Variants in ZNF93 observed in about 807,000 individuals in gnomAD.
The protein encoded by ZNF93 is zinc finger protein 505.
Under a neutral mutation model 45.0 loss-of-function variants are expected in ZNF93, and 29 were observed. The observed-to-expected ratio is 0.64, with a 90% CI of 0.48 to 0.88. The LOEUF (loss-of-function observed/expected upper bound fraction) is 0.88, where lower values mean the gene tolerates loss of function less well. ZNF93 is among the 40% of genes least tolerant of loss of function. The pLI is 0.00. For synonymous variants in ZNF93, 223 were observed against 244.6 expected (o/e 0.91, Z 0.82); for missense variants, 578 against 724.0 (o/e 0.80, Z 2.31).
Position 19,901,001 on chromosome 19 carries a change from C to T in ZNF93, c.-88C>T. The T allele has an allele frequency of 6.3e-7, 1 of 1,579,406 alleles. No individual in the cohort carries two copies. The highest frequency in any genetic ancestry group is 8.7e-7 in the Non-Finnish European group (1 of 1,149,768). On this transcript the variant is annotated 5_prime_UTR_variant, in exon 1 of 4. Transcript: ENST00000343769. ...CCTCTTCACTACTCTGTGTCCTGTG[C>T]TCCTACAGGCCCAGCCTCTGTGGCC... is the stretch of plus-strand genomic sequence containing the variant.
At chr19:19,930,210 G>T (rs958607764) in intron 3 of ZNF93, among the ~76,000 whole-genome samples, 3 of 152,138 alleles carry the variant, frequency 2.0e-5, no homozygotes, top group East Asian at 3.9e-4. Flanking sequence ...CAGAGAGAGA[G>T]AGGGAGAGAG....
intron 1 of ZNF93, chr19:19,908,618 A>C (rs981953987): frequency 6.6e-6 from 1 of 151,952 alleles, no homozygotes; most frequent in Non-Finnish European, 1.5e-5. Flanking sequence ...CGAGGTGGGC[A>C]GATCACCTGA....
chr19:19,920,154 G>A (rs1242854877), intron 3 of ZNF93, among the ~76,000 whole-genome samples: 1 of 152,138 alleles, frequency 6.6e-6, no homozygotes, highest in Non-Finnish European at 1.5e-5. Context: ...AGAGTTTTTA[G>A]CATGAAGGGC....
rs1158936814 is a variant in ZNF93 at position 19,935,437 on chromosome 19, A to G, written c.*619A>G. The stretch of plus-strand genomic sequence containing the variant: ...TCTAACATCAGTTTATGAAAACTTG[A>G]AAAGGTGTTTGCTCCATCAAATTCA... On this transcript the variant is annotated 3_prime_UTR_variant, in exon 4 of 4. Coordinates refer to ENST00000343769, the MANE Select transcript of ZNF93 (RefSeq NM_031218.4). 2.6e-5 allele frequency: 4 copies of G among 152,480 alleles called. No individual in the cohort carries two copies. The highest frequency in any genetic ancestry group is 2.6e-4 in the Admixed American group (4 of 15,290). The allele number at this position is 152,480 out of a possible 1,614,324, so 9.4% of individuals were successfully genotyped here.
At chr19:19,913,815 G>A (rs2063316248) in intron 1 of ZNF93, among the ~76,000 whole-genome samples, 1 of 152,028 alleles carries the variant, frequency 6.6e-6, no homozygotes, top group Admixed American at 6.5e-5. Flanking sequence ...TCCAGGGAAG[G>A]AGGAGAAAGA....
At chr19:19,913,036 T>C (rs988430014) in intron 1 of ZNF93, among the ~76,000 whole-genome samples, 7 of 152,228 alleles carry the variant, frequency 4.6e-5, no homozygotes, top group African/African-American at 1.2e-4. Flanking sequence ...TTACTAGAAG[T>C]ATTTGGTTAT....
rs60042997 is a variant in ZNF93, at chr19:19,929,047, A to C, written c.227-4135A>C. 1.1e-4 allele frequency among the ~76,000 whole-genome samples: 16 copies of C among 152,158 alleles called. No individual in the cohort carries two copies. The East Asian group carries it at 3.1e-3, about 29-fold the overall frequency. On this transcript the variant is annotated intron_variant, in intron 3 of 3. Coordinates refer to ENST00000343769, the MANE Select transcript of ZNF93 (RefSeq NM_031218.4). ...GGACACGTTTGGGTCATTGGGGGCAAATTTCTCATGAATGGCTTGGTACAT... is the reference window on the plus strand; with the variant it reads ...GGACACGTTTGGGTCATTGGGGGCACATTTCTCATGAATGGCTTGGTACAT...
chr19:19,905,263 CA>C (rs1432117651), intron 1 of ZNF93, among the ~76,000 whole-genome samples: 1 of 151,768 alleles, frequency 6.6e-6, no homozygotes, highest in Non-Finnish European at 1.5e-5. Flanking sequence ...GTTTGTTATA[CA>C]GCTGAAATTA....
Position 19,907,022 on chromosome 19 carries a change from CTCTCT to C in ZNF93, c.3+5938_3+5942del, listed in dbSNP as rs2063294996. On this transcript the variant is annotated intron_variant, in intron 1 of 3. Transcript: ENST00000343769. ...AAGTTCCCAAAAAAATTTTGCTATT[CTCTCT>C]TCTCTTTAGGGATTTAGATTATATA... Among the ~76,000 whole-genome samples, 3 of 150,848 alleles carry C rather than the reference CTCTCT, an allele frequency of 2.0e-5. No homozygotes were observed. In the Admixed American group the frequency reaches 2.0e-4, roughly 10 times the overall value.
intron 1 of ZNF93, among the ~76,000 whole-genome samples, chr19:19,908,065 T>A (rs1006094424): frequency 6.6e-6 from 1 of 152,216 alleles, no homozygotes; most frequent in African/African-American, 2.4e-5. Flanking sequence ...TAGTCTGACA[T>A]GTTTGTTACT....
chr19:19,909,897 T>C (rs1422313236), intron 1 of ZNF93, among the ~76,000 whole-genome samples: 2 of 152,254 alleles, frequency 1.3e-5, no homozygotes, highest in Non-Finnish European at 2.9e-5. Context: ...TATTTGGTAT[T>C]GATAGTTCCT....
In ZNF93 at chr19:19,900,990, T is replaced by C. The variant is rs1318997510; in HGVS notation, c.-99T>C. The C allele has an allele frequency of 2.6e-6, 4 of 1,561,818 alleles. No individual in the cohort carries two copies. The highest frequency in any genetic ancestry group is 3.3e-5 in the Admixed American group (2 of 59,720). On this transcript the variant is annotated 5_prime_UTR_variant, in exon 1 of 4. Coordinates refer to ENST00000343769, the MANE Select transcript of ZNF93 (RefSeq NM_031218.4). Reference sequence around the variant, plus strand: ...GCTCCAGGTCTCCTCTTCACTACTCTGTGTCCTGTGCTCCTACAGGCCCAG... The same window carrying C: ...GCTCCAGGTCTCCTCTTCACTACTCCGTGTCCTGTGCTCCTACAGGCCCAG...
chr19:19,908,228 A>C (rs1236127516), intron 1 of ZNF93: 1 of 152,222 alleles, frequency 6.6e-6, no homozygotes, highest in African/African-American at 2.4e-5. Flanking sequence ...AAGGTCTAAT[A>C]TGTTCCACTG....
At chr19:19,904,815 T>G (rs1278340224) in intron 1 of ZNF93, among the ~76,000 whole-genome samples, 1 of 150,006 alleles carries the variant, frequency 6.7e-6, no homozygotes, top group East Asian at 1.9e-4. Context: ...TTAGAGAAAA[T>G]GAGCTCTGAT....
At chr19:19,916,338 T>C (rs1234345984) in intron 2 of ZNF93, among the ~76,000 whole-genome samples, 1 of 152,180 alleles carries the variant, frequency 6.6e-6, no homozygotes, top group Non-Finnish European at 1.5e-5. Flanking sequence ...GATCTCATGA[T>C]CCACCTGCTT....
In ZNF93 at chr19:19,933,278, A is replaced by G. The variant is rs1288935905; in HGVS notation, c.323A>G (p.His108Arg). The G allele has an allele frequency of 2.4e-5, 38 of 1,612,096 alleles. No homozygotes were observed. Among genetic ancestry groups the G allele is most frequent in the Non-Finnish European group, 2.6e-5 (31 of 1,179,046 alleles). The change falls in exon 4 of 4, where the codon CAT (histidine) becomes CGT (arginine). Residue 108 changes from histidine to arginine, a missense_variant. Transcript: ENST00000343769. ...VILRRYEKRG[H>R]GNLQLIKRCE... The stretch of plus-strand genomic sequence containing the variant: ...CTGAGAAGATATGAAAAACGTGGAC[A>G]TGGAAATTTACAGTTAATAAAAAGG...
At chr19:19,912,912 G>A (rs1345730131) in intron 1 of ZNF93, among the ~76,000 whole-genome samples, 1 of 152,212 alleles carries the variant, frequency 6.6e-6, no homozygotes, top group Non-Finnish European at 1.5e-5. Context: ...CTGTGTACAT[G>A]TTCTTTTTAA....
chr19:19,925,549 A>G (rs1304092677), intron 3 of ZNF93, among the ~76,000 whole-genome samples: 2 of 152,148 alleles, frequency 1.3e-5, no homozygotes, highest in African/African-American at 4.8e-5. Flanking sequence ...TTCTACTTCA[A>G]ATTTGTCTGT....
Position 19,900,966 on chromosome 19 carries a change from C to A in ZNF93, c.-123C>A. On this transcript the variant is annotated 5_prime_UTR_variant, in exon 1 of 4. Transcript: ENST00000343769. ...CCTTTGTCTCTCGGTGCAGCCGGAG[C>A]TCCAGGTCTCCTCTTCACTACTCTG... 6.7e-7 allele frequency: 1 copy of A among 1,491,698 alleles called. No individual in the cohort carries two copies. The highest frequency in any genetic ancestry group is 9.3e-7 in the Non-Finnish European group (1 of 1,079,502). 92.4% of individuals were successfully genotyped at this position (1,491,698 alleles called of 1,614,324 possible).
Sources: allele counts gnomAD v4.1 joint callset (sites outside exome capture counted in the v4.1 genomes callset), GRCh38; gene constraint gnomAD v4.1.1; transcripts MANE v1.5; gene names NCBI Gene and HGNC (gene_info 2026-07-23, HGNC 2026-07-21).